The following MYO9A variants were observed in gnomAD, a reference collection of about 807,000 sequenced individuals.
The protein encoded by MYO9A is unconventional myosin-IXa.
MYO9A carries 103 observed loss-of-function variants against 293.3 expected under a neutral mutation model. That is an observed-to-expected ratio of 0.35 (90% CI 0.30 to 0.41). MYO9A has a LOEUF of 0.41. Among genes scored for constraint, MYO9A ranks in the 10% least tolerant of loss-of-function variants. MYO9A has a pLI of 1.00. For missense variants in MYO9A, 2,685 were observed against 3,033.0 expected (o/e 0.89, Z 2.69); for synonymous variants, 1,001 against 1,035.7 (o/e 0.97, Z 0.64).
At chr15:72,009,026 A>T (rs1003784153) in intron 7 of MYO9A, among the ~76,000 whole-genome samples, 1 of 152,222 alleles carries the variant, frequency 6.6e-6, no homozygotes, top group Non-Finnish European at 1.5e-5. Context: ...CAAATAATTT[A>T]AAGTTTTTAA....
intron 24 of MYO9A, 45 bp downstream of exon 24, chr15:71,899,642 C>T (rs1365902169): frequency 1.3e-6 from 2 of 1,510,948 alleles, no homozygotes; most frequent in Non-Finnish European, 1.8e-6. Context: ...AAACAAAGTA[C>T]TTGGGAAGAA....
chr15:71,937,101 C>T (rs2058663181), intron 16 of MYO9A, among the ~76,000 whole-genome samples: 1 of 151,838 alleles, frequency 6.6e-6, no homozygotes, highest in Non-Finnish European at 1.5e-5. Flanking sequence ...GGTGAAGATA[C>T]TGTGAAAAGT....
At chr15:71,962,856 C>T (rs1274464490) in intron 13 of MYO9A, among the ~76,000 whole-genome samples, 1 of 152,130 alleles carries the variant, frequency 6.6e-6, no homozygotes. Context: ...TGAGAGTGAC[C>T]AGTGACCTTC....
Position 71,826,917 on chromosome 15 carries a change from C to T in MYO9A, c.7310G>A (p.Cys2437Tyr), listed in dbSNP as rs2054527825. The change falls in exon 42 of 42, where the codon TGT (cysteine) becomes TAT (tyrosine). Residue 2437 changes from cysteine to tyrosine, a missense_variant. Cys to Tyr is a radical substitution (Grantham distance 194). Coordinates refer to ENST00000356056, the MANE Select transcript of MYO9A (RefSeq NM_006901.4). ...DVVDSSVSSL[C>Y]LSNTASSHGT... ...ATGAGATGATGCCGTGTTAGACAGA[C>T]ATAAAGAGGAGACCGAAGAGTCCAC... is the stretch of plus-strand genomic sequence containing the variant. The T allele has an allele frequency of 1.9e-6, 3 of 1,613,928 alleles. No homozygotes were observed.
chr15:72,035,570 A>G (rs2149483130), intron 2 of MYO9A, among the ~76,000 whole-genome samples: 1 of 152,306 alleles, frequency 6.6e-6, no homozygotes, highest in East Asian at 1.9e-4. Flanking sequence ...TGGGAGGCCA[A>G]GGGGACAGAA....
At chr15:72,046,710 C>T in intron 1 of MYO9A, 76 bp from the exon 2 acceptor site, 1 of 1,005,276 alleles carries the variant, frequency 9.9e-7, no homozygotes, top group South Asian at 2.3e-5. Context: ...AAAAGCTTAA[C>T]AAGCATGTTG....
chr15:71,936,563 T>C (rs865824380), intron 16 of MYO9A, among the ~76,000 whole-genome samples: 36 of 152,256 alleles, frequency 2.4e-4, no homozygotes, highest in Middle Eastern at 3.4e-3. Context: ...CATTACACAA[T>C]GTATACAGGT....
At chr15:71,901,138 A>G (rs2143501955) in intron 23 of MYO9A, 53 bp downstream of exon 23, 1 of 1,551,868 alleles carries the variant, frequency 6.4e-7, no homozygotes, top group Non-Finnish European at 8.7e-7. Flanking sequence ...TGGTTACTAA[A>G]CAAAGGCCAA....
At chr15:71,990,564 G>A (rs1180590453) in intron 11 of MYO9A, among the ~76,000 whole-genome samples, 1 of 151,952 alleles carries the variant, frequency 6.6e-6, no homozygotes, top group African/African-American at 2.4e-5. Flanking sequence ...GACCATCCTG[G>A]CTAACACAGT....
intron 1 of MYO9A, among the ~76,000 whole-genome samples, chr15:72,092,198 C>A (rs1235790588): frequency 1.3e-5 from 2 of 152,092 alleles, no homozygotes; most frequent in African/African-American, 4.8e-5. Context: ...AGCCCATGAC[C>A]CAGCCTTAGT....
chr15:71,828,782 G>T (rs2054608627), intron 40 of MYO9A, among the ~76,000 whole-genome samples: 1 of 152,128 alleles, frequency 6.6e-6, no homozygotes, highest in African/African-American at 2.4e-5. Context: ...CTTTATGTCT[G>T]CAACTTCTAA....
chr15:71,851,298 C>T lies in MYO9A; in HGVS notation c.6536G>A (p.Arg2179Gln), dbSNP rs755715960. Reference protein sequence around the residue: ...GVYSVIDQLSRTHLNTLERLI... With the variant: ...GVYSVIDQLSQTHLNTLERLI... ...GCGTTCCAGTGTATTGAGATGAGTT[C>T]GGGAGAGTTGATCAATCACAGAGTA... Residue 2179 changes from arginine to glutamine, a missense_variant, in exon 37 of 42, where the codon CGA (arginine) becomes CAA (glutamine). Arg to Gln is a conservative substitution (Grantham distance 43). Around this residue, in one of 10 missense-constraint regions of MYO9A, gnomAD observed 238 missense variants for 269.1 expected, o/e 0.88. Coordinates refer to ENST00000356056, the MANE Select transcript of MYO9A (RefSeq NM_006901.4). The T allele has an allele frequency of 8.1e-6, 13 of 1,613,864 alleles. No individual in the cohort carries two copies. In the Admixed American group the frequency reaches 1.0e-4, roughly 12 times the overall value.
At chr15:72,117,270 A>T (rs1295092898) in intron 1 of MYO9A, 1 of 152,438 alleles carries the variant, frequency 6.6e-6, no homozygotes, top group Non-Finnish European at 1.5e-5. Flanking sequence ...TAAGAAGAGT[A>T]GGGCGAGGGG....
chr15:72,064,547 TAC>T (rs1338946844), intron 1 of MYO9A, among the ~76,000 whole-genome samples: 1 of 152,232 alleles, frequency 6.6e-6, no homozygotes, highest in East Asian at 1.9e-4. Context: ...ACGGAAACGT[TAC>T]ACTTATTTTT....
At chr15:71,990,837 G>A (rs1316027269) in intron 11 of MYO9A, among the ~76,000 whole-genome samples, 8 of 151,516 alleles carry the variant, frequency 5.3e-5, no homozygotes, top group African/African-American at 1.9e-4. Context: ...CTGATATTAT[G>A]ATAAACAATT....
At chr15:71,879,479 A>G (rs1596092330) in intron 30 of MYO9A, among the ~76,000 whole-genome samples, 1 of 152,210 alleles carries the variant, frequency 6.6e-6, no homozygotes, top group Non-Finnish European at 1.5e-5. Context: ...GATGAAAAAA[A>G]CAGCTGTAAG....
chr15:72,021,088 G>A, intron 4 of MYO9A, 71 bp from the exon 5 acceptor site: 1 of 877,200 alleles, frequency 1.1e-6, no homozygotes, highest in Non-Finnish European at 1.7e-6. Flanking sequence ...GGGGAGGGGG[G>A]AAGCAAACAG....
intron 39 of MYO9A, among the ~76,000 whole-genome samples, chr15:71,842,835 G>C (rs1409296553): frequency 6.6e-6 from 1 of 150,796 alleles, no homozygotes; most frequent in Non-Finnish European, 1.5e-5. Flanking sequence ...ACTCCAGCCT[G>C]GGTGACAGAG....
rs537694590 is a variant in MYO9A, at chr15:72,014,350, T to C, written c.1156-3903A>G. Among the ~76,000 whole-genome samples, 9 of 152,310 alleles carry C rather than the reference T, an allele frequency of 5.9e-5. No homozygotes were observed. In the South Asian group the frequency reaches 1.7e-3, roughly 28 times the overall value. On this transcript the variant is annotated intron_variant, in intron 6 of 41. Coordinates refer to ENST00000356056, the MANE Select transcript of MYO9A (RefSeq NM_006901.4). ...GTTTATGTCCTGCACTCTACACTAG[T>C]AGTTATAAAAATGTATGATTTCTTA...
Sources: allele counts gnomAD v4.1 joint callset (sites outside exome capture counted in the v4.1 genomes callset), GRCh38; gene constraint gnomAD v4.1.1; regional missense constraint gnomAD v4.1.1; transcripts MANE v1.5; gene names NCBI Gene and HGNC (gene_info 2026-07-23, HGNC 2026-07-21).